The following MGAT4C variants were observed in gnomAD, a reference collection of about 807,000 sequenced individuals.
The protein encoded by MGAT4C is MGAT4 family member C.
MGAT4C carries 19 observed loss-of-function variants against 40.1 expected under a neutral mutation model. The ratio of observed to expected loss-of-function variants is 0.47; its 90% CI spans 0.33 to 0.70. The LOEUF (loss-of-function observed/expected upper bound fraction) is 0.70. Ranked by LOEUF, MGAT4C falls within the 30% of genes least tolerant of loss-of-function variation. The pLI is 0.02. For missense variants in MGAT4C, 491 were observed against 563.2 expected (o/e 0.87, Z 1.30); for synonymous variants, 181 against 187.1 (o/e 0.97, Z 0.27).
At position 86,781,012 on chromosome 12, in the gene MGAT4C, TTGTGTGTG is replaced by T. The variant is rs201109835; in HGVS notation, c.-261-53779_-261-53772del. The stretch of plus-strand genomic sequence containing the variant: ...TTTCATTCCTTTTTATGGCTGAGTA[TTGTGTGTG>T]TGTGTGTGTGTGTGTGTATGTATGT... On this transcript the variant is annotated intron_variant, in intron 1 of 7. Coordinates refer to the MGAT4C transcript ENST00000548651. Among the ~76,000 whole-genome samples, 32 of 39,134 alleles carry T rather than the reference TTGTGTGTG, an allele frequency of 8.2e-4. No individual in the cohort carries two copies. The Admixed American group carries it at 8.4e-3, about 10-fold the overall frequency. The allele number at this position is 39,134 out of a possible 152,430, so 25.7% of individuals were successfully genotyped here. A position where few individuals can be genotyped will look rare whatever the true frequency, so the allele number is the denominator to read the frequency against.
chr12:86,410,227 C>A (rs1294896803), intron 3 of MGAT4C, among the ~76,000 whole-genome samples: 4 of 152,058 alleles, frequency 2.6e-5, no homozygotes, highest in Non-Finnish European at 5.9e-5. Context: ...TTCACATTTA[C>A]CAGGGCAGGA....
At chr12:86,304,720 G>A (rs114280596) in intron 4 of MGAT4C, among the ~76,000 whole-genome samples, 1 of 150,682 alleles carries the variant, frequency 6.6e-6, no homozygotes, top group African/African-American at 2.5e-5. Flanking sequence ...GGTCATTAGG[G>A]TGAACCTTAA....
chr12:86,210,934 G>T (rs1950434598), intron 1 of MGAT4C, among the ~76,000 whole-genome samples: 1 of 152,010 alleles, frequency 6.6e-6, no homozygotes, highest in Non-Finnish European at 1.5e-5. Context: ...CTATCAGTTT[G>T]TTTCTAATCT....
intron 2 of MGAT4C, among the ~76,000 whole-genome samples, chr12:86,019,361 A>G (rs962794346): frequency 6.6e-6 from 1 of 152,134 alleles, no homozygotes; most frequent in African/African-American, 2.4e-5. Context: ...GATAGCAAGT[A>G]TGCTGTCATA....
intron 3 of MGAT4C, among the ~76,000 whole-genome samples, chr12:86,401,260 A>ATGTG (rs10548304): frequency 4.7e-5 from 7 of 147,980 alleles, no homozygotes; most frequent in Non-Finnish European, 7.5e-5. Context: ...ACATATATAT[A>ATGTG]TGTGTGTGTG....
chr12:86,483,257 T>C (rs1019353259), intron 2 of MGAT4C, among the ~76,000 whole-genome samples: 5 of 152,094 alleles, frequency 3.3e-5, no homozygotes, highest in African/African-American at 7.2e-5. Context: ...TATCATCACA[T>C]TGTACATTAG....
chr12:86,196,882 C>T (rs1381786112), intron 1 of MGAT4C, among the ~76,000 whole-genome samples: 1 of 151,906 alleles, frequency 6.6e-6, no homozygotes, highest in East Asian at 1.9e-4. Context: ...CAGCCACACA[C>T]TTTGTCTCTC....
intron 3 of MGAT4C, among the ~76,000 whole-genome samples, chr12:86,351,165 C>G (rs537719646): frequency 6.6e-6 from 1 of 151,914 alleles, no homozygotes; most frequent in Non-Finnish European, 1.5e-5. Flanking sequence ...GAAGGTTTCT[C>G]TAGAGATGTA....
chr12:86,822,331 G>T (rs747558298), intron 1 of MGAT4C, among the ~76,000 whole-genome samples: 7 of 151,000 alleles, frequency 4.6e-5, no homozygotes, highest in African/African-American at 1.7e-4. Flanking sequence ...TCACAAAATG[G>T]CAGTAGGAAA....
chr12:86,316,823 C>A (rs1296618639), intron 4 of MGAT4C, among the ~76,000 whole-genome samples: 2 of 151,948 alleles, frequency 1.3e-5, no homozygotes, highest in East Asian at 1.9e-4. Flanking sequence ...ACACAATATA[C>A]CCATGTAACA....
chr12:86,550,696 G>A (rs1288221390), intron 2 of MGAT4C, among the ~76,000 whole-genome samples: 1 of 152,096 alleles, frequency 6.6e-6, no homozygotes, highest in Non-Finnish European at 1.5e-5. Flanking sequence ...TAACACCCAC[G>A]ATCAACACTC....
chr12:86,261,902 T>C, intron 4 of MGAT4C, among the ~76,000 whole-genome samples: 1 of 152,042 alleles, frequency 6.6e-6, no homozygotes, highest in East Asian at 1.9e-4. Context: ...TTCTTGTTCT[T>C]ATAAGGAGAA....
chr12:86,697,271 A>C (rs1032788595), intron 2 of MGAT4C, among the ~76,000 whole-genome samples: 1 of 152,086 alleles, frequency 6.6e-6, no homozygotes, highest in South Asian at 2.1e-4. Context: ...TCATAAACTC[A>C]CACAGTTGCT....
At chr12:86,445,444 T>C (rs992748067) in intron 2 of MGAT4C, among the ~76,000 whole-genome samples, 5 of 152,098 alleles carry the variant, frequency 3.3e-5, no homozygotes, top group African/African-American at 1.2e-4. Flanking sequence ...CATATACAAC[T>C]GAAAGAACCG....
At chr12:86,586,468 T>C (rs1479901356) in intron 2 of MGAT4C, among the ~76,000 whole-genome samples, 1 of 78,750 alleles carries the variant, frequency 1.3e-5, no homozygotes, top group Admixed American at 1.6e-4. Context: ...ATATATCCAG[T>C]AATGGGATGG....
chr12:86,832,570 T>A (rs1952951334), intron 1 of MGAT4C, among the ~76,000 whole-genome samples: 1 of 151,818 alleles, frequency 6.6e-6, no homozygotes, highest in South Asian at 2.1e-4. Context: ...AAGATTAAAA[T>A]AAGCACCATA....
intron 2 of MGAT4C, among the ~76,000 whole-genome samples, chr12:86,478,265 A>G (rs1047236746): frequency 6.6e-6 from 1 of 152,208 alleles, no homozygotes; most frequent in African/African-American, 2.4e-5. Context: ...GTTCATGACA[A>G]TAGGGTGAAA....
At chr12:86,611,388 A>ATAGGTAGGTAGGTAGG (rs150541086) in intron 2 of MGAT4C, among the ~76,000 whole-genome samples, 7 of 148,224 alleles carry the variant, frequency 4.7e-5, no homozygotes, top group African/African-American at 1.8e-4. Context: ...GGTCCCATAG[A>ATAGGTAGGTAGGTAGG]TAGGTAGGTA....
chr12:86,316,232 CTGCAGAGGAAAGGGAA>C (rs1258092571), intron 4 of MGAT4C, among the ~76,000 whole-genome samples: 1 of 152,034 alleles, frequency 6.6e-6, no homozygotes, highest in African/African-American at 2.4e-5. Context: ...GCTGGTGAGG[CTGCAGAGGAAAGGGAA>C]TGCTTATACA....
Sources: gnomAD v4.1 joint callset for allele counts (sites outside exome capture counted in the v4.1 genomes callset) on GRCh38, gnomAD v4.1.1 for gene constraint, MANE v1.5 for transcripts, NCBI Gene and HGNC (gene_info 2026-07-23, HGNC 2026-07-21) for gene names.